Variants in PDE4B observed in about 807,000 individuals in gnomAD.
The protein encoded by PDE4B is 3',5'-cyclic-AMP phosphodiesterase 4B.
In PDE4B, 20 loss-of-function variants were observed where a neutral mutation model predicts 82.2. The ratio of observed to expected loss-of-function variants is 0.24; its 90% CI spans 0.17 to 0.35. The LOEUF (loss-of-function observed/expected upper bound fraction) is 0.35. Ranked by LOEUF, PDE4B falls within the 10% of genes least tolerant of loss-of-function variation. PDE4B has a pLI of 1.00. For synonymous variants in PDE4B, 320 were observed against 318.9 expected, an observed-to-expected ratio of 1.00 and a Z score of -0.04; for missense variants, 655 against 907.2, an observed-to-expected ratio of 0.72 and a Z score of 3.57.
chr1:66,078,158 T>C (rs551459148), intron 3 of PDE4B, among the ~76,000 whole-genome samples: 1 of 151,988 alleles, frequency 6.6e-6, no homozygotes, highest in Non-Finnish European at 1.5e-5. Flanking sequence ...AGAATTGAAA[T>C]TGAGACTGCT....
intron 3 of PDE4B, among the ~76,000 whole-genome samples, chr1:66,145,095 A>G (rs1646243306): frequency 6.6e-6 from 1 of 152,222 alleles, no homozygotes; most frequent in South Asian, 2.1e-4. Flanking sequence ...TAAAACAAAC[A>G]TTTAATATCA....
chr1:66,234,487 C>G lies in PDE4B; in HGVS notation c.282-12973C>G, dbSNP rs1212291715. ...TGTTTTTAGTAGAGACAGGGTTTCA[C>G]TATGTTAGCCAGGCTGGTCTCAAAC... On this transcript the variant is annotated intron_variant, in intron 3 of 16. Transcript: ENST00000341517. 1.8e-4 allele frequency among the ~76,000 whole-genome samples: 27 copies of G among 152,168 alleles called. 1 individual carries two copies.
rs891658521 is a variant in PDE4B at position 65,976,587 on chromosome 1, A to C, written c.281+57752A>C. ...GATATGGTTTGGGTTTGTGTCCCCA[A>C]CCAAATCTCATGTCAAATTGGAGGC... On this transcript the variant is annotated intron_variant, in intron 3 of 16. Coordinates refer to ENST00000341517, the MANE Select transcript of PDE4B (RefSeq NM_002600.4). Among the ~76,000 whole-genome samples, 3 of 152,066 alleles carry C rather than the reference A, an allele frequency of 2.0e-5. No individual in the cohort carries two copies. The East Asian group carries it at 5.8e-4, about 29-fold the overall frequency.
At chr1:66,083,449 G>C (rs1353797170) in intron 3 of PDE4B, among the ~76,000 whole-genome samples, 1 of 151,982 alleles carries the variant, frequency 6.6e-6, no homozygotes, top group African/African-American at 2.4e-5. Context: ...AGTGCTTAAG[G>C]GGTGCTAGGT....
chr1:66,121,946 A>G (rs1645717630), intron 3 of PDE4B, among the ~76,000 whole-genome samples: 1 of 151,672 alleles, frequency 6.6e-6, no homozygotes, highest in Middle Eastern at 3.4e-3. Context: ...TCTGTCTCAT[A>G]TCTCTCATTG....
At chr1:66,224,328 G>T (rs1244521514) in intron 3 of PDE4B, among the ~76,000 whole-genome samples, 1 of 152,092 alleles carries the variant, frequency 6.6e-6, no homozygotes, top group African/African-American at 2.4e-5. Context: ...AACACACTTA[G>T]GTGCCCACCA....
chr1:66,211,539 A>G (rs952151305), intron 3 of PDE4B, among the ~76,000 whole-genome samples: 6 of 152,228 alleles, frequency 3.9e-5, no homozygotes, highest in Non-Finnish European at 8.8e-5. Context: ...ATGCTGTATA[A>G]TGGAGTAAAT....
In PDE4B at chr1:66,354,863, A is replaced by G. The variant is rs1225633494; in HGVS notation, c.748-664A>G. The G allele has an allele frequency of 2.6e-6, 4 of 1,535,514 alleles. No individual in the cohort carries two copies. The African/African-American group carries it at 5.5e-5, about 21-fold the overall frequency. On this transcript the variant is annotated intron_variant, in intron 8 of 16. Transcript: ENST00000341517. ...CATTCCAAAATGCCTGAGGCAAATT[A>G]TTTGTTATCTGTATCTTGGGGTTAC...
chr1:66,361,664 G>A lies in PDE4B; in HGVS notation c.891G>A (p.Glu297=), dbSNP rs1662782650. Residue 297 remains glutamate, a synonymous_variant, in exon 10 of 17, where the codon GAG becomes GAA. Transcript: ENST00000341517. ...CATCTCCTACCCAGAAAGACAGGGA[G>A]AAAAAGAAAAAGCAGCAGCTCATGA... is the stretch of plus-strand genomic sequence containing the variant. ...EIPSPTQKDR[E]KKKKQQLMTQ... is the part of the protein sequence containing the mutation. 6.2e-7 allele frequency: 1 copy of A among 1,613,418 alleles called. No homozygotes were observed. The highest frequency in any genetic ancestry group is 1.7e-5 in the Admixed American group (1 of 59,950).
intron 3 of PDE4B, chr1:66,112,807 T>C (rs992511554): frequency 2.6e-5 from 4 of 152,330 alleles, no homozygotes; most frequent in African/African-American, 9.6e-5. Flanking sequence ...CAGCAAATCA[T>C]CATAGCAACT....
chr1:66,213,645 G>A (rs1389948364), intron 3 of PDE4B, among the ~76,000 whole-genome samples: 1 of 152,134 alleles, frequency 6.6e-6, no homozygotes, highest in South Asian at 2.1e-4. Context: ...TAAAGCCATT[G>A]TTTTTTCTAC....
intron 3 of PDE4B, among the ~76,000 whole-genome samples, chr1:66,243,481 A>G (rs1653049642): frequency 6.6e-6 from 1 of 152,346 alleles, no homozygotes; most frequent in Non-Finnish European, 1.5e-5. Flanking sequence ...ATAGAGAATT[A>G]AAACAGAATT....
At chr1:65,937,231 A>G (rs2100535773) in intron 3 of PDE4B, among the ~76,000 whole-genome samples, 1 of 152,316 alleles carries the variant, frequency 6.6e-6, no homozygotes, top group African/African-American at 2.4e-5. Context: ...GTGATGTCTA[A>G]TGTTCACTGT....
chr1:66,232,189 T>A (rs2101634550), intron 3 of PDE4B, among the ~76,000 whole-genome samples: 1 of 152,360 alleles, frequency 6.6e-6, no homozygotes, highest in East Asian at 1.9e-4. Flanking sequence ...GCAAGATCAA[T>A]GCTAAGTAGT....
At chr1:66,002,610 C>T (rs1040918985) in intron 3 of PDE4B, among the ~76,000 whole-genome samples, 2 of 151,648 alleles carry the variant, frequency 1.3e-5, no homozygotes, top group Admixed American at 6.6e-5. Flanking sequence ...TATATAATGC[C>T]TTAATGTAGT....
intron 3 of PDE4B, among the ~76,000 whole-genome samples, chr1:66,122,965 C>T (rs946463773): frequency 1.6e-4 from 25 of 152,026 alleles, no homozygotes; most frequent in Non-Finnish European, 4.4e-5. Context: ...CTCAGCCTCC[C>T]AAAGTGCTGG....
rs79353179 is a variant in PDE4B at position 66,354,588 on chromosome 1, C to T, written c.748-939C>T. On this transcript the variant is annotated intron_variant, in intron 8 of 16. Coordinates refer to ENST00000341517, the MANE Select transcript of PDE4B (RefSeq NM_002600.4). Reference sequence around the variant, plus strand: ...ACATTTGGACAGGCTCTTGCTCCTTCGTGCAATTCCTGATTTCATTACTCT... The same window carrying T: ...ACATTTGGACAGGCTCTTGCTCCTTTGTGCAATTCCTGATTTCATTACTCT... The T allele has an allele frequency of 1.7e-3, 2,262 of 1,306,766 alleles. 34 individuals are homozygous for T. In the African/African-American group the frequency reaches 0.031, roughly 18 times the overall value. 80.9% of individuals were successfully genotyped at this position (1,306,766 alleles called of 1,614,324 possible).
rs1178599356 is a variant in PDE4B, at chr1:66,368,915, A to G, written c.1791A>G (p.Gly597=). The change falls in exon 16 of 17, where the codon GGA becomes GGG. Residue 597 remains glycine (G), a synonymous_variant. Transcript: ENST00000341517. ...FQQGDKERER[G]MEISPMCDKH... is the part of the protein sequence containing the mutation. ...AGGGAGACAAAGAGCGGGAGAGGGG[A>G]ATGGAAATTAGCCCAATGTGTGATA... 6.2e-7 allele frequency: 1 copy of G among 1,613,372 alleles called. No homozygotes were observed. Among genetic ancestry groups the G allele is most frequent in the Non-Finnish European group, 8.5e-7 (1 of 1,179,616 alleles).
chr1:65,876,334 C>A (rs938830800), intron 1 of PDE4B, among the ~76,000 whole-genome samples: 4 of 151,976 alleles, frequency 2.6e-5, no homozygotes, highest in South Asian at 2.1e-4. Context: ...TTGTCAGTAT[C>A]TGTTTTTCTG....
Sources: allele counts gnomAD v4.1 joint callset (sites outside exome capture counted in the v4.1 genomes callset), GRCh38; gene constraint gnomAD v4.1.1; transcripts MANE v1.5; gene names NCBI Gene and HGNC (gene_info 2026-07-23, HGNC 2026-07-21).